Variants in TASP1 observed in about 807,000 individuals in gnomAD.
The protein encoded by TASP1 is taspase 1.
TASP1 carries 16 observed loss-of-function variants against 56.6 expected under a neutral mutation model. The ratio of observed to expected loss-of-function variants is 0.28; its 90% CI spans 0.19 to 0.43. TASP1 has a LOEUF of 0.43. TASP1 is among the 20% of genes least tolerant of loss of function. The probability of loss-of-function intolerance (pLI) is 1.00; values close to 1 mark genes in which losing one functional copy is unlikely to be tolerated. For missense variants in TASP1, 393 were observed against 511.6 expected, an observed-to-expected ratio of 0.77 and a Z score of 2.24; for synonymous variants, 179 against 184.2, an observed-to-expected ratio of 0.97 and a Z score of 0.23.
chr20:13,332,799 A>G, the TASP1 span, among the ~76,000 whole-genome samples: 24 of 152,228 alleles, frequency 1.6e-4, no homozygotes, highest in Admixed American at 1.6e-3. Flanking sequence ...GATTCATTCA[A>G]TGCCATTTTC....
intron 10 of TASP1, among the ~76,000 whole-genome samples, chr20:13,524,121 C>A (rs778083625): frequency 1.2e-4 from 18 of 151,550 alleles, no homozygotes; most frequent in Non-Finnish European, 2.2e-4. Flanking sequence ...TGCATTCACT[C>A]CAGCCTAGGC....
chr20:13,545,623 A>G (rs955024609), intron 8 of TASP1, among the ~76,000 whole-genome samples: 2 of 151,128 alleles, frequency 1.3e-5, no homozygotes, highest in East Asian at 2.0e-4. Context: ...TTTGACCAGC[A>G]AAGTGTAGTT....
At chr20:13,508,089 T>A (rs866423602) in intron 10 of TASP1, among the ~76,000 whole-genome samples, 43 of 152,008 alleles carry the variant, frequency 2.8e-4, no homozygotes, top group Middle Eastern at 3.2e-3. Flanking sequence ...GATTAAAGAT[T>A]TAAACATAAT....
At position 13,488,758 on chromosome 20, in the gene TASP1, T is replaced by TA. The variant is rs373132032; in HGVS notation, c.875-5422dup. Among the ~76,000 whole-genome samples, 908 of 152,282 alleles carry TA rather than the reference T, an allele frequency of 6.0e-3. 8 individuals are homozygous for TA. The highest frequency in any genetic ancestry group is 1.0e-2 in the Non-Finnish European group (679 of 68,026). ...ACATCAATTGGAATCATCTCATTCCTATCTTTCCAGCTCCCTCCCTTGAGC... is the reference window on the plus strand; with the variant it reads ...ACATCAATTGGAATCATCTCATTCCTAATCTTTCCAGCTCCCTCCCTTGAGC... On this transcript the variant is annotated intron_variant, in intron 10 of 13. Coordinates refer to ENST00000337743, the MANE Select transcript of TASP1 (RefSeq NM_017714.3).
rs1419733771 is a variant in TASP1, at chr20:13,559,105, A to G, written c.578T>C (p.Leu193Ser). The G allele has an allele frequency of 1.3e-6, 2 of 1,558,578 alleles. No individual in the cohort carries two copies. The highest frequency in any genetic ancestry group is 1.4e-5 in the African/African-American group (1 of 72,660). Residue 193 changes from leucine (L) to serine (S), a missense_variant, in exon 8 of 14, where the codon TTA becomes TCA. Leu to Ser is a moderately radical substitution (Grantham distance 145). This residue lies in a region of TASP1 where 293 missense variants were observed against 354.2 expected (regional missense o/e 0.83). Transcript: ENST00000337743. ...PPNIMTTRFS[L>S]AAFKRNKRKL... ...CCTCTTGTTTCTTTTAAATGCAGCT[A>G]AACTGAATCCTATAAAATAAAAATA...
At chr20:13,605,060 C>G (rs906271421) in intron 4 of TASP1, among the ~76,000 whole-genome samples, 1 of 149,704 alleles carries the variant, frequency 6.7e-6, no homozygotes, top group Non-Finnish European at 1.5e-5. Flanking sequence ...AAAAGCATTA[C>G]GTGAGTTAAA....
At chr20:13,373,051 A>G in the TASP1 span, among the ~76,000 whole-genome samples, 52 of 152,240 alleles carry the variant, frequency 3.4e-4, no homozygotes, top group African/African-American at 1.2e-3. Context: ...AAAGAAGAGT[A>G]GGTATTTATT....
At chr20:13,481,654 G>A (rs1174661798) in intron 11 of TASP1, among the ~76,000 whole-genome samples, 2 of 152,014 alleles carry the variant, frequency 1.3e-5, no homozygotes, top group Non-Finnish European at 2.9e-5. Context: ...GTTTTGATTT[G>A]CATTTCTCTG....
chr20:13,413,856 C>T (rs1480860193), intron 13 of TASP1, among the ~76,000 whole-genome samples: 1 of 152,174 alleles, frequency 6.6e-6, no homozygotes, highest in Non-Finnish European at 1.5e-5. Context: ...TCCATCCATT[C>T]ATCCACATAA....
chr20:13,467,233 T>C lies in TASP1; in HGVS notation c.985+15994A>G, dbSNP rs180828486. Among the ~76,000 whole-genome samples the C allele has an allele frequency of 7.3e-5, 11 of 150,496 alleles. No individual in the cohort carries two copies. In the East Asian group the frequency reaches 2.2e-3, roughly 29 times the overall value. Reference sequence around the variant, plus strand: ...CACACACACGACACACAAATACTTTTTTTTCCTAAGGCACTCGCAAGTAAC... The same window carrying C: ...CACACACACGACACACAAATACTTTCTTTTCCTAAGGCACTCGCAAGTAAC... On this transcript the variant is annotated intron_variant, in intron 11 of 13. Coordinates refer to ENST00000337743, the MANE Select transcript of TASP1 (RefSeq NM_017714.3).
chr20:13,621,385 C>G (rs1274043091), intron 4 of TASP1, among the ~76,000 whole-genome samples: 1 of 152,006 alleles, frequency 6.6e-6, no homozygotes, highest in Non-Finnish European at 1.5e-5. Flanking sequence ...GAGCCAAGAT[C>G]GCACCACTGC....
intron 11 of TASP1, among the ~76,000 whole-genome samples, chr20:13,477,019 T>TA (rs2146470467): frequency 6.6e-6 from 1 of 152,280 alleles, no homozygotes; most frequent in Admixed American, 6.5e-5. Flanking sequence ...AAAGAGAACA[T>TA]TATATTTTTT....
chr20:13,512,409 G>C (rs572248937), intron 10 of TASP1, among the ~76,000 whole-genome samples: 88 of 152,264 alleles, frequency 5.8e-4, no homozygotes, highest in African/African-American at 2.0e-3. Flanking sequence ...GTCTTCTTTT[G>C]AGAAGTGTCT....
intron 5 of TASP1, among the ~76,000 whole-genome samples, chr20:13,581,735 G>A (rs2047133364): frequency 6.6e-6 from 1 of 152,160 alleles, no homozygotes; most frequent in African/African-American, 2.4e-5. Flanking sequence ...GATGGTGGAA[G>A]GCAATCAAAG....
Position 13,403,224 on chromosome 20 carries a change from T to C in TASP1, c.1171-12772A>G, listed in dbSNP as rs148402192. On this transcript the variant is annotated intron_variant, in intron 13 of 13. Coordinates refer to ENST00000337743, the MANE Select transcript of TASP1 (RefSeq NM_017714.3). ...TTATTAACATTAACTTATTAACTTA[T>C]TAACATTAACTTGCAAGTTAGAGTT... 3.2e-3 allele frequency among the ~76,000 whole-genome samples: 487 copies of C among 150,300 alleles called. 2 individuals carry two copies. Among genetic ancestry groups the C allele is most frequent in the East Asian group, 0.01 (53 of 5,194 alleles).
Position 13,625,105 on chromosome 20 carries a change from C to CT in TASP1, c.213+79dup, listed in dbSNP as rs1290137866. On this transcript the variant is annotated intron_variant, in intron 3 of 13. Transcript: ENST00000337743. ...CTGGAAGACTGTCCTAGAAATGAAA[C>CT]TTTTAAATGTTGAATTTCAAGGTAA... The CT allele has an allele frequency of 7.4e-6, 8 of 1,081,244 alleles. No homozygotes were observed. In the African/African-American group the frequency reaches 1.1e-4, roughly 16 times the overall value. 67.0% of individuals were successfully genotyped at this position (1,081,244 alleles called of 1,614,324 possible).
intron 11 of TASP1, among the ~76,000 whole-genome samples, chr20:13,475,502 AAATG>A (rs1291446555): frequency 6.6e-6 from 1 of 152,218 alleles, no homozygotes; most frequent in African/African-American, 2.4e-5. Flanking sequence ...ATGAAAATTG[AAATG>A]AATGAATATT....
chr20:13,368,306 A>G, the TASP1 span: 1 of 152,164 alleles, frequency 6.6e-6, no homozygotes, highest in Admixed American at 6.5e-5. Flanking sequence ...TCCTTTATTC[A>G]TCAATTATTT....
At chr20:13,392,935 G>C (rs1216506667) in intron 13 of TASP1, 1 of 622,602 alleles carries the variant, frequency 1.6e-6, no homozygotes, top group African/African-American at 1.8e-5. Context: ...AATCAAATGG[G>C]GCCATGCTGG....
Sources: gnomAD v4.1 joint callset for allele counts (sites outside exome capture counted in the v4.1 genomes callset) on GRCh38, gnomAD v4.1.1 for gene constraint, gnomAD v4.1.1 regional missense constraint, MANE v1.5 for transcripts, NCBI Gene and HGNC (gene_info 2026-07-23, HGNC 2026-07-21) for gene names.